APLF: variants seen among roughly 807,000 people sequenced by gnomAD.
APLF encodes the protein aprataxin and PNKP like factor.
APLF carries 61 observed loss-of-function variants against 55.6 expected under a neutral mutation model. The observed-to-expected ratio is 1.10, with a 90% CI of 0.89 to 1.36. APLF has a LOEUF of 1.36. Among genes scored for constraint, APLF ranks in the 40% most tolerant of loss-of-function variants. The pLI, the probability that APLF is intolerant of heterozygous loss-of-function variation, is 0.00. For missense variants in APLF, 611 were observed against 602.5 expected (o/e 1.01, Z -0.15); for synonymous variants, 207 against 214.8 (o/e 0.96, Z 0.32).
intron 3 of APLF, among the ~76,000 whole-genome samples, chr2:68,503,382 C>T (rs892097436): frequency 6.6e-6 from 1 of 152,048 alleles, no homozygotes; most frequent in African/African-American, 2.4e-5. Context: ...ATACTGATGT[C>T]TGGCTTACAG....
In APLF at chr2:68,497,193, A is replaced by G. The variant is rs548111593; in HGVS notation, c.169-5538A>G. Among the ~76,000 whole-genome samples the G allele has an allele frequency of 2.0e-4, 31 of 152,258 alleles. 1 individual carries two copies. The highest frequency in any genetic ancestry group is 7.0e-4 in the African/African-American group (29 of 41,550). On this transcript the variant is annotated intron_variant, in intron 2 of 9. Transcript: ENST00000303795. Reference sequence around the variant, plus strand: ...GGGAGGCCTCAGGAAGCTTACAATCATGGAAAAAGGCAAAAGGGAAACCAG... The same window carrying G: ...GGGAGGCCTCAGGAAGCTTACAATCGTGGAAAAAGGCAAAAGGGAAACCAG...
At chr2:68,576,327 A>G (rs4410323) in intron 9 of APLF, among the ~76,000 whole-genome samples, 12,790 of 152,200 alleles carry the variant, frequency 0.084, 605 homozygotes, top group Middle Eastern at 0.12. Context: ...TATTTTAAAA[A>G]TATGGGTAAC....
At chr2:68,518,013 T>G (rs1166262980) in intron 5 of APLF, among the ~76,000 whole-genome samples, 1 of 139,696 alleles carries the variant, frequency 7.2e-6, no homozygotes. Context: ...ATAACAGTAA[T>G]ATATCACTAA....
intron 2 of APLF, among the ~76,000 whole-genome samples, chr2:68,501,875 T>C (rs1676731866): frequency 1.3e-5 from 2 of 152,196 alleles, no homozygotes. Context: ...AATAACAGAA[T>C]ACCTGAGGCT....
At chr2:68,495,237 A>G (rs1160532370) in intron 2 of APLF, among the ~76,000 whole-genome samples, 1 of 152,222 alleles carries the variant, frequency 6.6e-6, no homozygotes, top group East Asian at 1.9e-4. Context: ...GAGAAGTCCA[A>G]AGTCTCACCT....
chr2:68,519,191 T>TA (rs1669814508), intron 5 of APLF, among the ~76,000 whole-genome samples: 1 of 139,374 alleles, frequency 7.2e-6, no homozygotes, highest in Non-Finnish European at 1.5e-5. Context: ...ACTATATATT[T>TA]ATAATATATA....
rs114420135 is a variant in APLF, at chr2:68,553,603, C to G, written c.1286+8291C>G. Among the ~76,000 whole-genome samples the G allele has an allele frequency of 5.5e-3, 836 of 151,936 alleles. 4 individuals carry two copies. The highest frequency in any genetic ancestry group is 0.019 in the African/African-American group (799 of 41,458). On this transcript the variant is annotated intron_variant, in intron 8 of 9. Transcript: ENST00000303795. ...TCATGCATATGCATGCTAGGTTTTT[C>G]CTGTAGCCACAGAAAAAAATATTGA...
At chr2:68,502,564 T>A (rs1244871403) in intron 2 of APLF, among the ~76,000 whole-genome samples, 167 bp from the exon 3 acceptor site, 2 of 151,870 alleles carry the variant, frequency 1.3e-5, no homozygotes, top group Non-Finnish European at 2.9e-5. Context: ...ATGGTACTTA[T>A]AAGAGTTAGA....
intron 7 of APLF, among the ~76,000 whole-genome samples, chr2:68,540,416 G>A (rs1293388509): frequency 1.3e-5 from 2 of 152,116 alleles, no homozygotes; most frequent in African/African-American, 4.8e-5. Flanking sequence ...ATCATTGATG[G>A]GCATTTGGGT....
intron 7 of APLF, among the ~76,000 whole-genome samples, chr2:68,538,884 A>G (rs975103803): frequency 6.6e-6 from 1 of 152,174 alleles, no homozygotes; most frequent in African/African-American, 2.4e-5. Flanking sequence ...GCCAAACCAA[A>G]TATCCTAGCA....
rs1270511816 is a variant in APLF at position 68,471,148 on chromosome 2, A to G, written c.96+3321A>G. Among the ~76,000 whole-genome samples, 3 of 152,170 alleles carry G rather than the reference A, an allele frequency of 2.0e-5. No homozygotes were observed. In the East Asian group the frequency reaches 5.8e-4, roughly 29 times the overall value. On this transcript the variant is annotated intron_variant, in intron 1 of 9. Transcript: ENST00000303795. ...CGTGATTTCTTCCTTCCATTTCGGC[A>G]TCTCAGCCTCTCATTCACTCTACCC...
rs146924802 is a variant in APLF, at chr2:68,535,127, G to GT, written c.805-2743dup. Among the ~76,000 whole-genome samples, 985 of 152,186 alleles carry GT rather than the reference G, an allele frequency of 6.5e-3. 7 individuals carry two copies. Among genetic ancestry groups the GT allele is most frequent in the African/African-American group, 0.023 (941 of 41,506 alleles). On this transcript the variant is annotated intron_variant, in intron 6 of 9. Transcript: ENST00000303795. ...AACATTCCTTTCTCTTTTAGAATAA[G>GT]TTAACATGTTAAACCTATTCCTTGT... is the stretch of plus-strand genomic sequence containing the variant.
At chr2:68,491,157 T>C (rs901951492) in intron 2 of APLF, among the ~76,000 whole-genome samples, 6 of 152,216 alleles carry the variant, frequency 3.9e-5, no homozygotes, top group Non-Finnish European at 8.8e-5. Flanking sequence ...GAATAAATAA[T>C]CTTTAAAAGA....
At chr2:68,509,860 T>C (rs9679207) in intron 3 of APLF, among the ~76,000 whole-genome samples, 91,393 of 151,486 alleles carry the variant, frequency 0.6, 27,863 homozygotes, top group Middle Eastern at 0.67. Flanking sequence ...AAATGTGACA[T>C]GTATACACCA....
At chr2:68,511,178 T>C (rs920380008) in intron 3 of APLF, among the ~76,000 whole-genome samples, 66 of 151,804 alleles carry the variant, frequency 4.3e-4, no homozygotes, top group African/African-American at 1.5e-3. Context: ...CTATATGGAT[T>C]ATTTTTCAAT....
chr2:68,510,264 G>A (rs1180323319), intron 3 of APLF, among the ~76,000 whole-genome samples: 2 of 151,634 alleles, frequency 1.3e-5, no homozygotes, highest in Non-Finnish European at 2.9e-5. Context: ...GACAACCACA[G>A]AATGAGAAAA....
At chr2:68,497,834 A>G (rs1043598431) in intron 2 of APLF, among the ~76,000 whole-genome samples, 1 of 152,226 alleles carries the variant, frequency 6.6e-6, no homozygotes, top group African/African-American at 2.4e-5. Context: ...CAGGAGTGCT[A>G]TCCAAAACAT....
At position 68,490,185 on chromosome 2, in the gene APLF, T is replaced by G; in HGVS notation, c.97-5T>G. On this transcript the variant is annotated splice_region_variant and splice_polypyrimidine_tract_variant and intron_variant, in intron 1 of 9. Transcript: ENST00000303795. ...TCTTAATCTTTTAATTTTTTTACTG[T>G]ATAGATAACAGACAAGAGAGTATCC... is the stretch of plus-strand genomic sequence containing the variant. 6.3e-7 allele frequency: 1 copy of G among 1,595,924 alleles called. No homozygotes were observed. Among genetic ancestry groups the G allele is most frequent in the South Asian group, 1.1e-5 (1 of 87,334 alleles).
intron 5 of APLF, among the ~76,000 whole-genome samples, chr2:68,525,747 T>C (rs990780097): frequency 1.4e-4 from 18 of 128,624 alleles, no homozygotes; most frequent in Non-Finnish European, 2.1e-4. Context: ...TCTTTCTTTT[T>C]TTTTTTTTTT....
Sources: allele counts gnomAD v4.1 joint callset (sites outside exome capture counted in the v4.1 genomes callset), GRCh38; gene constraint gnomAD v4.1.1; transcripts MANE v1.5; gene names NCBI Gene and HGNC (gene_info 2026-07-23, HGNC 2026-07-21).